AGBL1: variants seen among roughly 807,000 people sequenced by gnomAD.
AGBL1 encodes the protein AGBL carboxypeptidase 1.
In AGBL1, 130 loss-of-function variants were observed where a neutral mutation model predicts 118.9. The observed-to-expected ratio is 1.09, with a 90% CI of 0.95 to 1.26. The LOEUF (loss-of-function observed/expected upper bound fraction) is 1.26. Among genes scored for constraint, AGBL1 ranks in the 50% most tolerant of loss-of-function variants. The pLI is 0.00. For missense variants in AGBL1, 1,584 were observed against 1,298.1 expected, an observed-to-expected ratio of 1.22 and a Z score of -3.38; for synonymous variants, 555 against 478.9, an observed-to-expected ratio of 1.16 and a Z score of -2.08.
chr15:86,372,233 A>G (rs184399942), intron 17 of AGBL1, among the ~76,000 whole-genome samples: 129 of 152,348 alleles, frequency 8.5e-4, no homozygotes, highest in African/African-American at 3.0e-3. Context: ...AGCCAAGAGT[A>G]GCACCCATTT....
Position 86,907,813 on chromosome 15 carries a change from C to T in AGBL1, c.*519C>T, listed in dbSNP as rs2080301446. On this transcript the variant is annotated 3_prime_UTR_variant, in exon 23 of 23. Coordinates refer to ENST00000614907, the MANE Select transcript of AGBL1 (RefSeq NM_001386094.1). ...CTGGCAGGGTCTTCAGGTGCTGGGG[C>T]TTGAACATGAAAAACTGTGCATCCA... is the stretch of plus-strand genomic sequence containing the variant. 6.6e-6 allele frequency: 1 copy of T among 152,166 alleles called. No individual in the cohort carries two copies. Among genetic ancestry groups the T allele is most frequent in the Admixed American group, 6.5e-5 (1 of 15,268 alleles). 9.4% of individuals were successfully genotyped at this position (152,166 alleles called of 1,614,324 possible).
In AGBL1 at chr15:86,124,342, A is replaced by C. The variant is rs900964945; in HGVS notation, c.52-17662A>C. Among the ~76,000 whole-genome samples, 329 of 151,668 alleles carry C rather than the reference A, an allele frequency of 2.2e-3. 1 individual carries two copies. The highest frequency in any genetic ancestry group is 3.5e-3 in the Non-Finnish European group (240 of 67,896). On this transcript the variant is annotated intron_variant, in intron 1 of 22. Transcript: ENST00000614907. ...GAGACTCTGTCTCAAAAAAAAAAAA[A>C]AAAAACAAAGAAAACCCCCAAAAAT...
chr15:86,482,157 G>T (rs2082660552), intron 18 of AGBL1, among the ~76,000 whole-genome samples: 1 of 152,184 alleles, frequency 6.6e-6, no homozygotes, highest in Middle Eastern at 3.4e-3. Flanking sequence ...ATCCTTTTGA[G>T]CTCCTTGGAG....
rs1278217149 is a variant in AGBL1, at chr15:86,909,545, T to A, written c.*2251T>A. ...AGTTTCCATTTTGTAGTTCAGAAATTGTATATCCATTCTTCATATTAAGAC... is the reference window on the plus strand; with the variant it reads ...AGTTTCCATTTTGTAGTTCAGAAATAGTATATCCATTCTTCATATTAAGAC... On this transcript the variant is annotated 3_prime_UTR_variant, in exon 23 of 23. Coordinates refer to ENST00000614907, the MANE Select transcript of AGBL1 (RefSeq NM_001386094.1). The A allele has an allele frequency of 6.6e-6, 1 of 152,206 alleles. No individual in the cohort carries two copies. Among genetic ancestry groups the A allele is most frequent in the Non-Finnish European group, 1.5e-5 (1 of 68,040 alleles). 9.4% of individuals were successfully genotyped at this position (152,206 alleles called of 1,614,324 possible). A position where few individuals can be genotyped will look rare whatever the true frequency, so the allele number is the denominator to read the frequency against.
chr15:86,884,892 C>T (rs964020129), intron 22 of AGBL1, among the ~76,000 whole-genome samples: 2 of 152,142 alleles, frequency 1.3e-5, no homozygotes, highest in Non-Finnish European at 2.9e-5. Flanking sequence ...TGCCTCTCAG[C>T]GAGCTCTCGG....
chr15:86,759,073 G>A (rs1287703049), intron 22 of AGBL1, among the ~76,000 whole-genome samples: 1 of 151,894 alleles, frequency 6.6e-6, no homozygotes, highest in African/African-American at 2.4e-5. Context: ...AATCAAAGGA[G>A]TTTAAATTGT....
chr15:86,195,023 ACTT>A (rs1379501215), intron 5 of AGBL1, among the ~76,000 whole-genome samples: 1 of 152,154 alleles, frequency 6.6e-6, no homozygotes, highest in Non-Finnish European at 1.5e-5. Context: ...TGAGTGATTT[ACTT>A]CTTCAATTGA....
intron 23 of AGBL1, among the ~76,000 whole-genome samples, chr15:86,974,470 T>A (rs1357528322): frequency 3.0e-5 from 4 of 132,320 alleles, no homozygotes; most frequent in African/African-American, 6.0e-5. Context: ...ATAAACATAT[T>A]TTATATATTG....
At chr15:86,540,809 A>G (rs942578065) in intron 19 of AGBL1, among the ~76,000 whole-genome samples, 2 of 152,182 alleles carry the variant, frequency 1.3e-5, no homozygotes, top group African/African-American at 4.8e-5. Context: ...GTTTTCAGGG[A>G]TATCGTTTGA....
chr15:86,680,572 T>G (rs930324312), intron 22 of AGBL1, among the ~76,000 whole-genome samples: 2 of 139,630 alleles, frequency 1.4e-5, no homozygotes, highest in African/African-American at 5.3e-5. Flanking sequence ...TTTCTTTTTT[T>G]TTTTTTTTTT....
chr15:86,854,389 C>T (rs1304517949), intron 22 of AGBL1, among the ~76,000 whole-genome samples: 6 of 152,098 alleles, frequency 3.9e-5, no homozygotes, highest in Admixed American at 1.3e-4. Context: ...CAGAAGAACA[C>T]AAACAGATGA....
chr15:86,343,274 G>C (rs916691848), intron 17 of AGBL1, among the ~76,000 whole-genome samples: 1 of 152,114 alleles, frequency 6.6e-6, no homozygotes, highest in Admixed American at 6.5e-5. Context: ...AAGAGTGACA[G>C]CATGGTTTTT....
intron 22 of AGBL1, among the ~76,000 whole-genome samples, chr15:86,835,249 C>A (rs939387450): frequency 2.0e-5 from 3 of 151,910 alleles, no homozygotes; most frequent in African/African-American, 7.3e-5. Context: ...AGGTCTTTCA[C>A]ACCTAGATCA....
chr15:86,611,418 T>C (rs555271965), intron 21 of AGBL1, among the ~76,000 whole-genome samples: 1 of 152,312 alleles, frequency 6.6e-6, no homozygotes, highest in East Asian at 1.9e-4. Flanking sequence ...AATTTTTCAA[T>C]ATAGATGATG....
At chr15:86,698,616 T>G (rs923925400) in intron 22 of AGBL1, among the ~76,000 whole-genome samples, 1 of 151,714 alleles carries the variant, frequency 6.6e-6, no homozygotes, top group African/African-American at 2.4e-5. Context: ...CATTGTTTTT[T>G]TTTTTTTTTA....
At chr15:86,978,594 C>T (rs1016105895) in intron 23 of AGBL1, among the ~76,000 whole-genome samples, 21 of 152,142 alleles carry the variant, frequency 1.4e-4, no homozygotes, top group African/African-American at 2.7e-4. Flanking sequence ...TATAAACCAG[C>T]TCAGAAACCT....
intron 17 of AGBL1, among the ~76,000 whole-genome samples, chr15:86,306,409 C>T (rs1404172560): frequency 6.6e-6 from 1 of 152,116 alleles, no homozygotes; most frequent in Non-Finnish European, 1.5e-5. Context: ...TGAGAACATG[C>T]AATATTTGTC....
intron 22 of AGBL1, among the ~76,000 whole-genome samples, chr15:86,827,721 T>C (rs534526564): frequency 5.9e-4 from 87 of 146,574 alleles, no homozygotes; most frequent in Non-Finnish European, 1.1e-3. Flanking sequence ...GAGGAAACTC[T>C]GAGACCACTA....
intron 6 of AGBL1, among the ~76,000 whole-genome samples, chr15:86,229,850 G>A (rs1496875): frequency 0.2 from 30,094 of 152,090 alleles, 3,467 homozygotes; most frequent in South Asian, 0.3. Context: ...CAGATTTAAA[G>A]GTCATATTCT....
Sources: gnomAD v4.1 joint callset for allele counts (sites outside exome capture counted in the v4.1 genomes callset) on GRCh38, gnomAD v4.1.1 for gene constraint, MANE v1.5 for transcripts, NCBI Gene and HGNC (gene_info 2026-07-23, HGNC 2026-07-21) for gene names.